Variants in SLC12A2 observed in about 807,000 individuals in gnomAD.
SLC12A2 encodes Na-K-2Cl cotransporter 1.
SLC12A2 carries 67 observed loss-of-function variants against 136.3 expected under a neutral mutation model. The ratio of observed to expected loss-of-function variants is 0.49; its 90% CI spans 0.40 to 0.60. SLC12A2 has a LOEUF of 0.60. SLC12A2 is among the 20% of genes least tolerant of loss of function. The pLI is 0.00. For missense variants in SLC12A2, 1,322 were observed against 1,534.7 expected (o/e 0.86, Z 2.32); for synonymous variants, 619 against 562.9 (o/e 1.10, Z -1.41).
chr5:128,163,644 A>G (rs549472137), intron 17 of SLC12A2, among the ~76,000 whole-genome samples: 50 of 152,370 alleles, frequency 3.3e-4, no homozygotes, highest in Middle Eastern at 3.4e-3. Flanking sequence ...AGAATTCTAT[A>G]CAGTGGTGAA....
At chr5:128,115,018 T>C (rs189425354) in intron 4 of SLC12A2, among the ~76,000 whole-genome samples, 34 of 152,294 alleles carry the variant, frequency 2.2e-4, no homozygotes, top group Middle Eastern at 3.4e-3. Flanking sequence ...CAACATTGTA[T>C]TGGGGTAACC....
Position 128,084,307 on chromosome 5 carries a change from C to T in SLC12A2, c.353C>T (p.Ala118Val). 15 of 1,520,998 alleles carry T rather than the reference C, an allele frequency of 9.9e-6. No individual in the cohort carries two copies. Among genetic ancestry groups the T allele is most frequent in the South Asian group, 1.3e-5 (1 of 79,598 alleles). The allele number at this position is 1,520,998 out of a possible 1,614,324, so 94.2% of individuals were successfully genotyped here. Residue 118 changes from alanine to valine, a missense_variant, in exon 1 of 27, where the codon GCG (alanine) becomes GTG (valine). Physicochemically the swap from Ala to Val is moderately conservative, Grantham distance 64. Around this residue, in one of 8 missense-constraint regions of SLC12A2, gnomAD observed 358 missense variants for 299.7 expected, o/e 1.19. Transcript: ENST00000262461. The surrounding 1 kb of genome is among the most constrained non-coding windows in gnomAD (Gnocchi z 5.6). ...GGGGCGGGGGCCAAGCAGACCCCCG[C>T]GGACGGGGAAGCCAGCGGCGAGAGC... Reference protein sequence around the residue: ...GAGAGAKQTPADGEASGESEP... With the variant: ...GAGAGAKQTPVDGEASGESEP...
At chr5:128,091,528 T>G (rs1300755407) in intron 1 of SLC12A2, among the ~76,000 whole-genome samples, 1 of 152,210 alleles carries the variant, frequency 6.6e-6, no homozygotes, top group African/African-American at 2.4e-5. Context: ...GAAAGCCCAC[T>G]GAGGGTGAGC....
Position 128,110,578 on chromosome 5 carries a change from C to G in SLC12A2, c.757-2236C>G. 3 of 1,148,134 alleles carry G rather than the reference C, an allele frequency of 2.6e-6. No individual in the cohort carries two copies. The Admixed American group carries it at 5.1e-5, about 19-fold the overall frequency. 71.1% of individuals were successfully genotyped at this position (1,148,134 alleles called of 1,614,324 possible). A position where few individuals can be genotyped will look rare whatever the true frequency, so the allele number is the denominator to read the frequency against. ...TTTTGATTTCTTCAAGCATAAGTATCAAATAAATATTGATGGCATCGTAGC... is the reference window on the plus strand; with the variant it reads ...TTTTGATTTCTTCAAGCATAAGTATGAAATAAATATTGATGGCATCGTAGC... On this transcript the variant is annotated intron_variant, in intron 1 of 26. Transcript: ENST00000262461.
In SLC12A2 at chr5:128,186,595, T is replaced by C; in HGVS notation, c.3603T>C (p.Arg1201=). The C allele has an allele frequency of 6.2e-7, 1 of 1,614,002 alleles. No homozygotes were observed. The highest frequency in any genetic ancestry group is 8.5e-7 in the Non-Finnish European group (1 of 1,179,946). ...SKDLPPILLV[R]GNHQSVLTFY... ...ACCTACCACCAATCCTCCTAGTTCG[T>C]GGGAATCATCAGAGTGTCCTTACCT... The change falls in exon 27 of 27, where the codon CGT becomes CGC. Residue 1201 remains arginine, a synonymous_variant. Coordinates refer to ENST00000262461, the MANE Select transcript of SLC12A2 (RefSeq NM_001046.3).
At chr5:128,147,080 AC>A (rs1370051428) in intron 10 of SLC12A2, among the ~76,000 whole-genome samples, 2 of 137,360 alleles carry the variant, frequency 1.5e-5, no homozygotes, top group East Asian at 4.2e-4. Flanking sequence ...ATAATGTGTA[AC>A]CTTTTTTTTT....
chr5:128,135,274 A>G (rs1561679556), intron 6 of SLC12A2, among the ~76,000 whole-genome samples: 1 of 152,002 alleles, frequency 6.6e-6, no homozygotes, highest in African/African-American at 2.4e-5. Context: ...CACACACTCA[A>G]CATTATGTTT....
intron 18 of SLC12A2, among the ~76,000 whole-genome samples, chr5:128,171,394 T>C (rs1395058446): frequency 6.6e-6 from 1 of 152,164 alleles, no homozygotes; most frequent in Non-Finnish European, 1.5e-5. Flanking sequence ...AGGATAAAAA[T>C]ACTGCTGCTG....
chr5:128,109,859 A>G (rs2126665888), intron 1 of SLC12A2: 2 of 787,706 alleles, frequency 2.5e-6, no homozygotes, highest in Non-Finnish European at 4.7e-6. Context: ...ATCCCCATGT[A>G]TTTTAAAAGA....
intron 4 of SLC12A2, among the ~76,000 whole-genome samples, chr5:128,122,005 A>C (rs78859165): frequency 0.014 from 2,179 of 152,304 alleles, 57 homozygotes; most frequent in African/African-American, 0.048. Flanking sequence ...CATTCATAGA[A>C]TAGAGGACAA....
intron 4 of SLC12A2, among the ~76,000 whole-genome samples, chr5:128,123,180 A>G (rs1561671289): frequency 6.6e-6 from 1 of 152,132 alleles, no homozygotes; most frequent in Non-Finnish European, 1.5e-5. Context: ...GTATCTTAAA[A>G]TTTAATTGAA....
At chr5:128,112,204 C>G (rs777927778) in intron 1 of SLC12A2, among the ~76,000 whole-genome samples, 1 of 152,160 alleles carries the variant, frequency 6.6e-6, no homozygotes, top group Non-Finnish European at 1.5e-5. Flanking sequence ...AAAGGAAACA[C>G]TGGTTGTCAA....
At chr5:128,156,850 T>A (rs1190398420) in intron 15 of SLC12A2, among the ~76,000 whole-genome samples, 1 of 152,142 alleles carries the variant, frequency 6.6e-6, no homozygotes, top group East Asian at 1.9e-4. Context: ...CTTCCTTTTT[T>A]AAAGGACACG....
chr5:128,114,214 A>C lies in SLC12A2; in HGVS notation c.879A>C (p.Val293=). Residue 293 remains valine (V), a splice_region_variant and synonymous_variant, in exon 3 of 27, where the codon GTA becomes GTC. Coordinates refer to ENST00000262461, the MANE Select transcript of SLC12A2 (RefSeq NM_001046.3). ...TTGGCCTCTTTTTCCCTCTTTAGGTACGTTGTATGTTAAACATTTGGGGTG... is the reference window on the plus strand; with the variant it reads ...TTGGCCTCTTTTTCCCTCTTTAGGTCCGTTGTATGTTAAACATTTGGGGTG... The part of the protein sequence containing the change: ...VKFGWIKGVL[V]RCMLNIWGVM... 1 of 1,611,702 alleles carries C rather than the reference A, an allele frequency of 6.2e-7. No homozygotes were observed. Among genetic ancestry groups the C allele is most frequent in the Non-Finnish European group, 8.5e-7 (1 of 1,178,262 alleles).
At chr5:128,154,774 G>A (rs1401693170) in intron 15 of SLC12A2, among the ~76,000 whole-genome samples, 4 of 152,106 alleles carry the variant, frequency 2.6e-5, no homozygotes, top group Admixed American at 2.6e-4. Flanking sequence ...TCTTAACTAA[G>A]CCCTTATTGC....
At chr5:128,149,497 A>G (rs747948229) in intron 12 of SLC12A2, among the ~76,000 whole-genome samples, 33 of 151,838 alleles carry the variant, frequency 2.2e-4, no homozygotes, top group Non-Finnish European at 4.9e-4. Context: ...ATATACAATA[A>G]TGTTTCTAGT....
intron 4 of SLC12A2, among the ~76,000 whole-genome samples, chr5:128,121,828 T>C (rs1196927959): frequency 1.3e-5 from 2 of 152,208 alleles, no homozygotes; most frequent in South Asian, 2.1e-4. Flanking sequence ...CTACGAATCA[T>C]AGCAGTGTTC....
At chr5:128,111,198 A>AT (rs1054080547) in intron 1 of SLC12A2, among the ~76,000 whole-genome samples, 1 of 152,208 alleles carries the variant, frequency 6.6e-6, no homozygotes, top group East Asian at 1.9e-4. Context: ...TTTATTAAAA[A>AT]ATATATATAC....
chr5:128,135,969 T>A (rs1017661499), intron 7 of SLC12A2, among the ~76,000 whole-genome samples, 161 bp downstream of exon 7: 11 of 152,148 alleles, frequency 7.2e-5, no homozygotes, highest in African/African-American at 2.7e-4. Flanking sequence ...GCTGTACAGT[T>A]GGAGTAAAAA....
Sources: allele counts gnomAD v4.1 joint callset (sites outside exome capture counted in the v4.1 genomes callset), GRCh38; gene constraint gnomAD v4.1.1; regional missense constraint gnomAD v4.1.1; non-coding constraint Gnocchi (gnomAD v3.1); transcripts MANE v1.5; gene names NCBI Gene and HGNC (gene_info 2026-07-23, HGNC 2026-07-21).